Variants in XKR4 observed in about 807,000 individuals in gnomAD.
XKR4 encodes the protein XK related 4.
Under a neutral mutation model 53.9 loss-of-function variants are expected in XKR4, and 12 were observed. The ratio of observed to expected loss-of-function variants is 0.22; its 90% CI spans 0.14 to 0.36. The LOEUF (loss-of-function observed/expected upper bound fraction) is 0.36, where lower values mean the gene tolerates loss of function less well. XKR4 is among the 10% of genes least tolerant of loss of function. XKR4 has a pLI of 1.00. For missense variants in XKR4, 799 were observed against 859.5 expected (o/e 0.93, Z 0.88); for synonymous variants, 354 against 362.4 (o/e 0.98, Z 0.26).
chr8:55,133,432 G>T (rs1329353065), intron 1 of XKR4, among the ~76,000 whole-genome samples: 1 of 152,190 alleles, frequency 6.6e-6, no homozygotes, highest in Non-Finnish European at 1.5e-5. Context: ...CACACACTCG[G>T]TTCTGTTGGA....
intron 1 of XKR4, among the ~76,000 whole-genome samples, chr8:55,217,459 A>G (rs943686362): frequency 2.0e-5 from 3 of 152,216 alleles, no homozygotes; most frequent in Admixed American, 6.5e-5. Context: ...GATCTCCTAC[A>G]TACTGCCAGT....
intron 1 of XKR4, among the ~76,000 whole-genome samples, chr8:55,289,773 GAA>G (rs1356182941): frequency 6.9e-6 from 1 of 144,432 alleles, no homozygotes; most frequent in Non-Finnish European, 1.5e-5. Context: ...GAAAGAAAGA[GAA>G]AGAGAGGGAG....
chr8:55,338,407 C>T (rs574353350), intron 1 of XKR4, among the ~76,000 whole-genome samples: 4 of 152,298 alleles, frequency 2.6e-5, no homozygotes, highest in South Asian at 2.1e-4. Flanking sequence ...GCCAAGAAAG[C>T]GGCAATGGCT....
At chr8:55,336,639 C>T (rs767592073) in intron 1 of XKR4, among the ~76,000 whole-genome samples, 9 of 151,710 alleles carry the variant, frequency 5.9e-5, no homozygotes, top group African/African-American at 1.7e-4. Context: ...CTAAATGAAA[C>T]GATTTTTTAA....
chr8:55,205,776 G>A (rs898486626), intron 1 of XKR4, among the ~76,000 whole-genome samples: 7 of 152,294 alleles, frequency 4.6e-5, no homozygotes, highest in Non-Finnish European at 7.3e-5. Context: ...CGTCCCATAT[G>A]GTCTTACTGT....
At chr8:55,363,208 G>C (rs748168519) in intron 2 of XKR4, among the ~76,000 whole-genome samples, 8 of 152,160 alleles carry the variant, frequency 5.3e-5, no homozygotes, top group Non-Finnish European at 1.0e-4. Context: ...GGGGTGTGCT[G>C]AGTGAGTTAC....
chr8:55,118,583 A>G (rs1164986479), intron 1 of XKR4, among the ~76,000 whole-genome samples: 3 of 152,342 alleles, frequency 2.0e-5, no homozygotes, highest in Middle Eastern at 6.8e-3. Context: ...CATGCAATTC[A>G]AAATTTTCAG....
At chr8:55,109,142 A>G (rs559490146) in intron 1 of XKR4, among the ~76,000 whole-genome samples, 1 of 152,250 alleles carries the variant, frequency 6.6e-6, no homozygotes, top group African/African-American at 2.4e-5. Flanking sequence ...AGTCGAAGAT[A>G]TTTGCAGATC....
chr8:55,412,845 T>C (rs1257143885), intron 2 of XKR4, among the ~76,000 whole-genome samples: 1 of 152,226 alleles, frequency 6.6e-6, no homozygotes, highest in Non-Finnish European at 1.5e-5. Flanking sequence ...CCATTCCTGA[T>C]GAACAATGGA....
At chr8:55,260,050 C>A (rs1818497257) in intron 1 of XKR4, among the ~76,000 whole-genome samples, 1 of 152,108 alleles carries the variant, frequency 6.6e-6, no homozygotes, top group Non-Finnish European at 1.5e-5. Flanking sequence ...TGTCTATCTC[C>A]CCTACTAGGT....
intron 1 of XKR4, among the ~76,000 whole-genome samples, chr8:55,169,618 C>T (rs34073195): frequency 6.6e-6 from 1 of 152,190 alleles, no homozygotes; most frequent in Non-Finnish European, 1.5e-5. Context: ...TGGATCAGGA[C>T]AGTCCTTTCT....
intron 1 of XKR4, among the ~76,000 whole-genome samples, chr8:55,206,396 A>G (rs1470993886): frequency 6.6e-6 from 1 of 152,136 alleles, no homozygotes; most frequent in East Asian, 1.9e-4. Context: ...TAAACAGAAA[A>G]GTTCTCCCAG....
chr8:55,173,147 CACAA>C (rs763622232), intron 1 of XKR4, among the ~76,000 whole-genome samples: 15 of 152,136 alleles, frequency 9.9e-5, no homozygotes, highest in Non-Finnish European at 1.2e-4. Flanking sequence ...CGATCTCCCA[CACAA>C]ACACTCAGCT....
chr8:55,150,112 A>G (rs1816821406), intron 1 of XKR4, among the ~76,000 whole-genome samples: 1 of 152,236 alleles, frequency 6.6e-6, no homozygotes, highest in South Asian at 2.1e-4. Flanking sequence ...TGGATTATGC[A>G]TTACTGCTCT....
chr8:55,386,622 T>C (rs989132320), intron 2 of XKR4, among the ~76,000 whole-genome samples: 11 of 152,180 alleles, frequency 7.2e-5, no homozygotes, highest in Admixed American at 6.5e-4. Context: ...CCTGCTGCCA[T>C]TGAAACAATT....
chr8:55,503,008 A>G (rs758971695), intron 2 of XKR4, among the ~76,000 whole-genome samples: 1 of 152,144 alleles, frequency 6.6e-6, no homozygotes, highest in East Asian at 1.9e-4. Context: ...TCGTTTGACC[A>G]TCTATGTGGG....
intron 2 of XKR4, among the ~76,000 whole-genome samples, chr8:55,383,171 C>A (rs1301561753): frequency 6.6e-6 from 1 of 152,166 alleles, no homozygotes; most frequent in African/African-American, 2.4e-5. Flanking sequence ...TGAGATCTCG[C>A]CACTGCACTC....
Position 55,286,113 on chromosome 8 carries a change from C to T in XKR4, c.807-71565C>T, listed in dbSNP as rs565430878. On this transcript the variant is annotated intron_variant, in intron 1 of 2. Coordinates refer to ENST00000327381, the MANE Select transcript of XKR4 (RefSeq NM_052898.2). ...GTTGCCAAGTAAAAGAAAGAATTCT[C>T]ATCAATGTTGTCAAAGAGCCCCAGT... Among the ~76,000 whole-genome samples, 11 of 152,310 alleles carry T rather than the reference C, an allele frequency of 7.2e-5. No individual in the cohort carries two copies. In the East Asian group the frequency reaches 1.9e-3, roughly 27 times the overall value.
chr8:55,315,493 C>G (rs1819459697), intron 1 of XKR4, among the ~76,000 whole-genome samples: 1 of 152,122 alleles, frequency 6.6e-6, no homozygotes, highest in African/African-American at 2.4e-5. Context: ...TGTGCCATTC[C>G]CAGGAGAGAC....
Sources: gnomAD v4.1 joint callset for allele counts (sites outside exome capture counted in the v4.1 genomes callset) on GRCh38, gnomAD v4.1.1 for gene constraint, MANE v1.5 for transcripts, NCBI Gene and HGNC (gene_info 2026-07-23, HGNC 2026-07-21) for gene names.